Variants in CSMD3 observed in about 807,000 individuals in gnomAD.
The protein encoded by CSMD3 is CUB and Sushi multiple domains 3.
Under a neutral mutation model 435.2 loss-of-function variants are expected in CSMD3, and 177 were observed. The observed-to-expected ratio is 0.41, with a 90% CI of 0.36 to 0.46. CSMD3 has a LOEUF of 0.46. CSMD3 is among the 20% of genes least tolerant of loss of function. The pLI is 0.34. For synonymous variants in CSMD3, 1,656 were observed against 1,520.5 expected, an observed-to-expected ratio of 1.09 and a Z score of -2.07; for missense variants, 4,265 against 4,504.6, an observed-to-expected ratio of 0.95 and a Z score of 1.52.
intron 13 of CSMD3, among the ~76,000 whole-genome samples, chr8:112,789,455 A>G (rs954299007): frequency 3.3e-5 from 5 of 152,226 alleles, no homozygotes; most frequent in Admixed American, 6.6e-5. Context: ...GGAACACTAC[A>G]GAGAAAAACA....
intron 30 of CSMD3, among the ~76,000 whole-genome samples, chr8:112,494,366 A>G (rs942045515): frequency 2.0e-5 from 3 of 150,524 alleles, no homozygotes; most frequent in Non-Finnish European, 4.4e-5. Context: ...TTCTACAAAT[A>G]CTTAAAGGCT....
At chr8:113,345,069 T>G (rs4398954) in intron 1 of CSMD3, among the ~76,000 whole-genome samples, 4 of 151,922 alleles carry the variant, frequency 2.6e-5, no homozygotes, top group African/African-American at 9.7e-5. Context: ...AATTTTTAGG[T>G]TTTTAAAAAC....
chr8:112,639,208 A>G (rs890262802), intron 20 of CSMD3, among the ~76,000 whole-genome samples: 8 of 152,114 alleles, frequency 5.3e-5, no homozygotes, highest in Non-Finnish European at 8.8e-5. Flanking sequence ...AGAGAAATAC[A>G]TATCTTTTGT....
rs950509985 is a variant in CSMD3, at chr8:113,091,600, C to T, written c.917+7156G>A. ...CACTGATGATTTTTTGAGTTTCTGC[C>T]GTATCAATTATAATGTTTTCTTTTT... On this transcript the variant is annotated intron_variant, in intron 5 of 70. Coordinates refer to ENST00000297405, the MANE Select transcript of CSMD3 (RefSeq NM_198123.2). Among the ~76,000 whole-genome samples, 3 of 151,556 alleles carry T rather than the reference C, an allele frequency of 2.0e-5. No homozygotes were observed. In the South Asian group the frequency reaches 6.2e-4, roughly 31 times the overall value.
chr8:113,076,278 T>C (rs539666720), intron 5 of CSMD3, among the ~76,000 whole-genome samples: 1 of 151,924 alleles, frequency 6.6e-6, no homozygotes, highest in East Asian at 1.9e-4. Flanking sequence ...AGTTGATAGC[T>C]TGTCATTACA....
intron 3 of CSMD3, among the ~76,000 whole-genome samples, chr8:113,260,938 T>C (rs1377879404): frequency 6.6e-6 from 1 of 152,190 alleles, no homozygotes; most frequent in Non-Finnish European, 1.5e-5. Context: ...TATTCCATGG[T>C]GTATATGTGC....
At chr8:112,524,855 G>T (rs1028746774) in intron 27 of CSMD3, among the ~76,000 whole-genome samples, 1 of 151,692 alleles carries the variant, frequency 6.6e-6, no homozygotes, top group South Asian at 2.1e-4. Flanking sequence ...TTAAAATAAC[G>T]TGCAAAATAA....
chr8:113,419,418 T>A (rs909617939), intron 1 of CSMD3, among the ~76,000 whole-genome samples: 1 of 152,108 alleles, frequency 6.6e-6, no homozygotes, highest in Non-Finnish European at 1.5e-5. Context: ...GTGCCCGGCC[T>A]ACACTTGTCT....
rs144315874 is a variant in CSMD3 at position 113,069,980 on chromosome 8, C to T, written c.917+28776G>A. ...CACTTTGTCTAACTGAGAAACACACCTTTGTTTACTAAGCCACTGAGATGC... is the reference window on the plus strand; with the variant it reads ...CACTTTGTCTAACTGAGAAACACACTTTTGTTTACTAAGCCACTGAGATGC... On this transcript the variant is annotated intron_variant, in intron 5 of 70. Coordinates refer to ENST00000297405, the MANE Select transcript of CSMD3 (RefSeq NM_198123.2). 5.9e-3 allele frequency among the ~76,000 whole-genome samples: 902 copies of T among 152,180 alleles called. 4 individuals are homozygous for T. The highest frequency in any genetic ancestry group is 0.019 in the African/African-American group (802 of 41,544).
chr8:113,024,904 C>G (rs1196173091), intron 5 of CSMD3, among the ~76,000 whole-genome samples: 2 of 152,120 alleles, frequency 1.3e-5, no homozygotes, highest in African/African-American at 2.4e-5. Flanking sequence ...TCCAAGCATC[C>G]ATTGTCTATC....
chr8:112,968,564 G>A (rs1385275810), intron 7 of CSMD3, among the ~76,000 whole-genome samples: 3 of 151,796 alleles, frequency 2.0e-5, no homozygotes, highest in Non-Finnish European at 2.9e-5. Context: ...TATGCCAGAG[G>A]ACAGATTTAA....
chr8:113,420,207 C>T (rs936281465), intron 1 of CSMD3, among the ~76,000 whole-genome samples: 21 of 151,860 alleles, frequency 1.4e-4, no homozygotes, highest in African/African-American at 5.1e-4. Flanking sequence ...AAAAGCCTTG[C>T]CCCACATCAT....
chr8:112,894,411 A>G (rs61584754), intron 10 of CSMD3, among the ~76,000 whole-genome samples: 21,214 of 151,338 alleles, frequency 0.14, 1,712 homozygotes, highest in Middle Eastern at 0.3. Context: ...GCCACAACAG[A>G]TTAGTATAAA....
intron 3 of CSMD3, among the ~76,000 whole-genome samples, chr8:113,249,772 T>G (rs1369656089): frequency 6.6e-6 from 1 of 151,920 alleles, no homozygotes; most frequent in Non-Finnish European, 1.5e-5. Context: ...TGGCTACTCT[T>G]GCCATAAGTC....
intron 1 of CSMD3, among the ~76,000 whole-genome samples, chr8:113,405,396 C>T (rs908698830): frequency 6.6e-6 from 1 of 151,530 alleles, no homozygotes; most frequent in Non-Finnish European, 1.5e-5. Context: ...ATCATAATGT[C>T]TATCAGCCTA....
In CSMD3 at chr8:112,859,071, GTTCCGTATTA is replaced by G; in HGVS notation, c.1755+64_1755+73del. 3 of 1,404,150 alleles carry G rather than the reference GTTCCGTATTA, an allele frequency of 2.1e-6. No individual in the cohort carries two copies. In the South Asian group the frequency reaches 3.5e-5, roughly 16 times the overall value. 87.0% of individuals were successfully genotyped at this position (1,404,150 alleles called of 1,614,324 possible). On this transcript the variant is annotated intron_variant, in intron 11 of 70. Coordinates refer to ENST00000297405, the MANE Select transcript of CSMD3 (RefSeq NM_198123.2). ...GAGTTATAAATTTTCCATACTGCAT[GTTCCGTATTA>G]TTTCTTTGCCTTTGTCTTTATGATT...
At chr8:112,699,778 A>G (rs1405496293) in intron 13 of CSMD3, among the ~76,000 whole-genome samples, 2 of 152,200 alleles carry the variant, frequency 1.3e-5, no homozygotes, top group African/African-American at 4.8e-5. Flanking sequence ...AAAATATTGT[A>G]TGTACCCAAA....
rs892113847 is a variant in CSMD3 at position 112,893,645 on chromosome 8, ACT to A, written c.1633+27980_1633+27981del. ...ATATTTTGCATATTCTCTGAGGCAG[ACT>A]CTCTGGTATTTGAGTGCCTTACCAA... is the stretch of plus-strand genomic sequence containing the variant. On this transcript the variant is annotated intron_variant, in intron 10 of 70. Coordinates refer to ENST00000297405, the MANE Select transcript of CSMD3 (RefSeq NM_198123.2). 3.3e-5 allele frequency among the ~76,000 whole-genome samples: 5 copies of A among 151,278 alleles called. No homozygotes were observed. The Admixed American group carries it at 3.3e-4, about 10-fold the overall frequency.
At chr8:112,739,589 A>G (rs2077259283) in intron 13 of CSMD3, among the ~76,000 whole-genome samples, 1 of 151,738 alleles carries the variant, frequency 6.6e-6, no homozygotes, top group Non-Finnish European at 1.5e-5. Flanking sequence ...AGAGTCTTTT[A>G]ACTTCTTTGA....
Sources: gnomAD v4.1 joint callset for allele counts (sites outside exome capture counted in the v4.1 genomes callset) on GRCh38, gnomAD v4.1.1 for gene constraint, MANE v1.5 for transcripts, NCBI Gene and HGNC (gene_info 2026-07-23, HGNC 2026-07-21) for gene names.